Variants in SAMD8 observed in about 807,000 individuals in gnomAD.
The protein encoded by SAMD8 is sphingomyelin synthase-related protein 1.
SAMD8 carries 20 observed loss-of-function variants against 42.0 expected under a neutral mutation model. The ratio of observed to expected loss-of-function variants is 0.48; its 90% CI spans 0.34 to 0.69. The LOEUF (loss-of-function observed/expected upper bound fraction) is 0.69. SAMD8 is among the 30% of genes least tolerant of loss of function. SAMD8 has a pLI of 0.01. For synonymous variants in SAMD8, 162 were observed against 173.0 expected (o/e 0.94, Z 0.50); for missense variants, 328 against 511.6 (o/e 0.64, Z 3.46).
rs573873043 is a variant in SAMD8 at position 75,103,753 on chromosome 10, G to C, written c.-16+4025G>C. On this transcript the variant is annotated intron_variant, in intron 1 of 3. Coordinates refer to the SAMD8 transcript ENST00000447533. ...GGCTCTCTGAGCCCTGAGGGGAGCT[G>C]CTGGAGACAGCTGTGGCCAACAGCT... The C allele has an allele frequency of 7.4e-5, 46 of 621,174 alleles. No homozygotes were observed. In the African/African-American group the frequency reaches 8.8e-4, roughly 12 times the overall value. The allele number at this position is 621,174 out of a possible 1,614,324, so 38.5% of individuals were successfully genotyped here. A position where few individuals can be genotyped will look rare whatever the true frequency, so the allele number is the denominator to read the frequency against.
intron 1 of SAMD8, among the ~76,000 whole-genome samples, chr10:75,114,260 AC>A (rs779746213): frequency 8.6e-5 from 13 of 150,384 alleles, no homozygotes; most frequent in Non-Finnish European, 1.8e-4. Context: ...AATCTCTTGA[AC>A]CCGGGAAGCA....
At chr10:75,108,445 A>G (rs890162369), upstream of SAMD8, among the ~76,000 whole-genome samples, 1 of 152,186 alleles carries the variant, frequency 6.6e-6, no homozygotes, top group South Asian at 2.1e-4. Context: ...TGCTTCCTCA[A>G]TGCATCTGTC....
At chr10:75,107,302 G>A (rs983126263), upstream of SAMD8, among the ~76,000 whole-genome samples, 7 of 151,044 alleles carry the variant, frequency 4.6e-5, no homozygotes, top group Non-Finnish European at 5.9e-5. Context: ...AGCAGAGATC[G>A]CGCCACTGCA....
intron 1 of SAMD8, among the ~76,000 whole-genome samples, chr10:75,142,786 G>C (rs1209586550): frequency 2.0e-5 from 3 of 152,078 alleles, no homozygotes; most frequent in Non-Finnish European, 4.4e-5. Context: ...CCATCACTTT[G>C]GGAGGCCGAG....
chr10:75,126,051 C>G (rs1849124068), intron 1 of SAMD8, among the ~76,000 whole-genome samples: 1 of 152,158 alleles, frequency 6.6e-6, no homozygotes. Context: ...TGTTTCCTGC[C>G]TTCATACTTT....
intron 1 of SAMD8, among the ~76,000 whole-genome samples, chr10:75,123,611 T>G (rs947045804): frequency 2.6e-5 from 4 of 152,112 alleles, no homozygotes; most frequent in Non-Finnish European, 5.9e-5. Context: ...TTATGTGGTG[T>G]TTGGCTGGAA....
chr10:75,141,616 A>G (rs1326022703), intron 1 of SAMD8, among the ~76,000 whole-genome samples: 3 of 145,944 alleles, frequency 2.1e-5, no homozygotes, highest in Admixed American at 7.2e-5. Context: ...ATCTCCGCTC[A>G]CTGCAAGCTC....
intron 2 of SAMD8, among the ~76,000 whole-genome samples, chr10:75,162,052 A>C (rs1840569640): frequency 2.0e-5 from 3 of 152,120 alleles, no homozygotes; most frequent in Admixed American, 1.3e-4. Context: ...AAATAAATAA[A>C]TAAAAAATAA....
At chr10:75,122,666 C>G (rs1849031508) in intron 1 of SAMD8, among the ~76,000 whole-genome samples, 1 of 151,838 alleles carries the variant, frequency 6.6e-6, no homozygotes, top group Admixed American at 6.6e-5. Flanking sequence ...TCCTGTAAAC[C>G]CAGCACCCCA....
intron 2 of SAMD8, among the ~76,000 whole-genome samples, chr10:75,161,020 A>G (rs955041095): frequency 3.3e-5 from 5 of 152,050 alleles, no homozygotes. Context: ...GTTAGCCGCG[A>G]TTGCGCCACT....
chr10:75,154,131 AG>A (rs1164091747), intron 2 of SAMD8, among the ~76,000 whole-genome samples: 1 of 152,186 alleles, frequency 6.6e-6, no homozygotes, highest in Non-Finnish European at 1.5e-5. Flanking sequence ...TGGATAAAAT[AG>A]GAGAAAACAG....
rs1357734713 is a variant in SAMD8 at position 75,180,627 on chromosome 10, C to G, written c.*3935C>G. On this transcript the variant is annotated 3_prime_UTR_variant, in exon 6 of 6. Coordinates refer to ENST00000542569, the MANE Select transcript of SAMD8 (RefSeq NM_001174156.2). The stretch of plus-strand genomic sequence containing the variant: ...GCTATTCAGAAGAAAAAGTCAGTGA[C>G]AGAGAGACCAGAACCCATTGGATCA... 1 of 152,174 alleles carries G rather than the reference C, an allele frequency of 6.6e-6. No homozygotes were observed. The allele number at this position is 152,174 out of a possible 1,614,324, so 9.4% of individuals were successfully genotyped here.
intron 1 of SAMD8, 165 bp downstream of exon 1, chr10:75,111,887 C>T: frequency 1.1e-6 from 1 of 880,978 alleles, no homozygotes; most frequent in East Asian, 3.3e-5. Flanking sequence ...GGAATGGAAT[C>T]TGAAGCAAAT....
At chr10:75,172,161 A>G (rs1840882980) in intron 4 of SAMD8, among the ~76,000 whole-genome samples, 1 of 152,078 alleles carries the variant, frequency 6.6e-6, no homozygotes, top group Non-Finnish European at 1.5e-5. Flanking sequence ...ATGAAAGGTA[A>G]TATCTAATGC....
At chr10:75,143,079 C>G (rs1393289058) in intron 1 of SAMD8, among the ~76,000 whole-genome samples, 1 of 152,132 alleles carries the variant, frequency 6.6e-6, no homozygotes, top group Non-Finnish European at 1.5e-5. Flanking sequence ...GAGGCCGAGG[C>G]GGGTGGATCA....
upstream of SAMD8, chr10:75,108,390 G>T: frequency 8.7e-7 from 1 of 1,149,494 alleles, no homozygotes; most frequent in Non-Finnish European, 1.2e-6. Context: ...ACTTTCTGGT[G>T]GCTGAGCCGG....
intron 1 of SAMD8, among the ~76,000 whole-genome samples, chr10:75,135,645 G>GGTCTCTCTACT (rs1244989107): frequency 6.6e-6 from 1 of 151,868 alleles, no homozygotes; most frequent in African/African-American, 2.4e-5. Context: ...CTAACATGGT[G>GGTCTCTCTACT]AAACCCTCTC....
chr10:75,127,157 C>T (rs1849163157), intron 1 of SAMD8, among the ~76,000 whole-genome samples: 1 of 149,258 alleles, frequency 6.7e-6, no homozygotes, highest in Admixed American at 6.7e-5. Context: ...CCACCGCACT[C>T]CAGCCTGGGC....
rs1316981005 is a variant in SAMD8 at position 75,181,386 on chromosome 10, G to A, written c.*4694G>A. ...TCCCTGTCTTTGAGTAACTTTGAAT[G>A]ACTAAAATTAGTATGAAACTAGGTT... On this transcript the variant is annotated 3_prime_UTR_variant, in exon 6 of 6. Transcript: ENST00000542569. 1 of 152,158 alleles carries A rather than the reference G, an allele frequency of 6.6e-6. No individual in the cohort carries two copies. Among genetic ancestry groups the A allele is most frequent in the East Asian group, 1.9e-4 (1 of 5,202 alleles). The allele number at this position is 152,158 out of a possible 1,614,324, so 9.4% of individuals were successfully genotyped here. A position where few individuals can be genotyped will look rare whatever the true frequency, so the allele number is the denominator to read the frequency against.
Sources: gnomAD v4.1 joint callset for allele counts (sites outside exome capture counted in the v4.1 genomes callset) on GRCh38, gnomAD v4.1.1 for gene constraint, MANE v1.5 for transcripts, NCBI Gene and HGNC (gene_info 2026-07-23, HGNC 2026-07-21) for gene names.